Variants in USH2A observed in about 807,000 individuals in gnomAD.
USH2A encodes the protein usherin.
In USH2A, 443 loss-of-function variants were observed where a neutral mutation model predicts 538.9. That is an observed-to-expected ratio of 0.82 (90% confidence interval 0.76 to 0.89). The LOEUF (loss-of-function observed/expected upper bound fraction) is 0.89, where lower values mean the gene tolerates loss of function less well. USH2A is among the 40% of genes least tolerant of loss of function. The probability of loss-of-function intolerance (pLI) is 0.00; values close to 1 mark genes in which losing one functional copy is unlikely to be tolerated. For synonymous variants in USH2A, 2,413 were observed against 2,273.5 expected (o/e 1.06, Z -1.75); for missense variants, 6,633 against 6,324.8 (o/e 1.05, Z -1.65).
chr1:216,097,149 G>T lies in USH2A; in HGVS notation c.4692C>A (p.Gly1564=), dbSNP rs950317696. 14 of 1,614,004 alleles carry T rather than the reference G, an allele frequency of 8.7e-6. No individual in the cohort carries two copies. The African/African-American group carries it at 1.5e-4, about 17-fold the overall frequency. Residue 1564 remains glycine (G), a synonymous_variant, in exon 22 of 72, where the codon GGC becomes GGA. Coordinates refer to ENST00000307340, the MANE Select transcript of USH2A (RefSeq NM_206933.4). ...EGLIVFAASP[G]NQEEYFALQL... is the part of the protein sequence containing the mutation. The stretch of plus-strand genomic sequence containing the variant: ...GAAGTGCAAAATACTCTTCCTGATT[G>T]CCAGGTGATGCTGCAAAGACAATCA...
At chr1:216,087,550 A>C (rs1163942634) in intron 23 of USH2A, among the ~76,000 whole-genome samples, 1 of 152,056 alleles carries the variant, frequency 6.6e-6, no homozygotes, top group African/African-American at 2.4e-5. Flanking sequence ...AAGGCCAGAC[A>C]GTGTCTTTGT....
At chr1:215,760,128 A>C (rs577187568) in intron 56 of USH2A, among the ~76,000 whole-genome samples, 1 of 152,206 alleles carries the variant, frequency 6.6e-6, no homozygotes, top group Non-Finnish European at 1.5e-5. Context: ...CTGAGAGATC[A>C]TCTGGGGATT....
chr1:215,873,877 A>C (rs1036352538), intron 43 of USH2A, among the ~76,000 whole-genome samples: 1 of 152,180 alleles, frequency 6.6e-6, no homozygotes, highest in Non-Finnish European at 1.5e-5. Context: ...ATTCCTTCAT[A>C]AACTTAATGA....
chr1:215,748,136 C>A (rs1238003369), intron 58 of USH2A, among the ~76,000 whole-genome samples: 1 of 152,106 alleles, frequency 6.6e-6, no homozygotes, highest in Non-Finnish European at 1.5e-5. Flanking sequence ...CATGATCCAC[C>A]CGCCTCGGCC....
At position 215,677,251 on chromosome 1, in the gene USH2A, C is replaced by T. The variant is rs138052536; in HGVS notation, c.12295-1635G>A. 3.3e-5 allele frequency among the ~76,000 whole-genome samples: 5 copies of T among 152,212 alleles called. No homozygotes were observed. In the East Asian group the frequency reaches 9.7e-4, roughly 29 times the overall value. On this transcript the variant is annotated intron_variant, in intron 62 of 71. Coordinates refer to ENST00000307340, the MANE Select transcript of USH2A (RefSeq NM_206933.4). Reference sequence around the variant, plus strand: ...ACTGAAGGCCACCTAAGCGCTGTATCCCATCCCTTCCTCCTTCCCCAAGAC... The same window carrying T: ...ACTGAAGGCCACCTAAGCGCTGTATTCCATCCCTTCCTCCTTCCCCAAGAC...
At chr1:215,849,263 A>T (rs1403932093) in intron 44 of USH2A, among the ~76,000 whole-genome samples, 2 of 152,208 alleles carry the variant, frequency 1.3e-5, no homozygotes, top group African/African-American at 4.8e-5. Context: ...TACCAAAAAT[A>T]AAAAAGGGAC....
intron 67 of USH2A, among the ~76,000 whole-genome samples, chr1:215,644,623 AG>A (rs2102639680): frequency 6.6e-6 from 1 of 152,342 alleles, no homozygotes; most frequent in South Asian, 2.1e-4. Flanking sequence ...TTTTTAAAAA[AG>A]GATTGAACAT....
intron 50 of USH2A, among the ~76,000 whole-genome samples, chr1:215,792,574 C>T (rs560173081): frequency 1.3e-5 from 2 of 152,254 alleles, no homozygotes; most frequent in Non-Finnish European, 2.9e-5. Context: ...CTGAAGACTG[C>T]ATCCATCACT....
chr1:216,323,615 A>C lies in USH2A; in HGVS notation c.1409T>G (p.Phe470Cys), dbSNP rs1187322667. The C allele has an allele frequency of 6.2e-7, 1 of 1,613,568 alleles. No homozygotes were observed. The highest frequency in any genetic ancestry group is 1.7e-5 in the Admixed American group (1 of 59,958). ...CTCTTGAAGAGATGGGGTATTATAGAAGTTATTGTATCCAGGACGATAATT... is the reference window on the plus strand; with the variant it reads ...CTCTTGAAGAGATGGGGTATTATAGCAGTTATTGTATCCAGGACGATAATT... ...GPNYRPGYNN[F>C]YNTPSLQEFV... The change falls in exon 8 of 72, where the codon TTC (phenylalanine) becomes TGC (cysteine). Residue 470 changes from phenylalanine to cysteine, a missense_variant. Physicochemically the swap from Phe to Cys is radical, Grantham distance 205 (BLOSUM62 -2). Transcript: ENST00000307340.
intron 32 of USH2A, 140 bp from the exon 33 acceptor site, chr1:216,000,702 G>T: frequency 9.6e-7 from 1 of 1,043,096 alleles, no homozygotes; most frequent in Non-Finnish European, 1.4e-6. Flanking sequence ...AAAATCAATA[G>T]CAATAACATA....
rs566079679 is a variant in USH2A, at chr1:216,355,297, C to A, written c.784+9656G>T. 1.3e-3 allele frequency among the ~76,000 whole-genome samples: 130 copies of A among 103,468 alleles called. 1 individual carries two copies. Among genetic ancestry groups the A allele is most frequent in the African/African-American group, 5.6e-3 (123 of 21,790 alleles). 67.9% of individuals were successfully genotyped at this position (103,468 alleles called of 152,430 possible). ...CAGCCTGGGTTGACAGAGTGAAAGA[C>A]TCTGCTTCAAAAAGAAAGAAAGAAA... On this transcript the variant is annotated intron_variant, in intron 4 of 71. Coordinates refer to ENST00000307340, the MANE Select transcript of USH2A (RefSeq NM_206933.4).
At chr1:216,204,454 A>G (rs2035068164) in intron 16 of USH2A, 2 of 152,212 alleles carry the variant, frequency 1.3e-5, no homozygotes, top group Admixed American at 1.3e-4. Flanking sequence ...TGAAAGCTTT[A>G]AAGATGGTAC....
chr1:216,277,782 T>G (rs1195152618), intron 11 of USH2A, among the ~76,000 whole-genome samples: 1 of 152,118 alleles, frequency 6.6e-6, no homozygotes, highest in East Asian at 1.9e-4. Flanking sequence ...CACACCTCTT[T>G]TGGACCAAAG....
chr1:215,889,265 A>T (rs1665147753), intron 40 of USH2A, among the ~76,000 whole-genome samples: 1 of 152,228 alleles, frequency 6.6e-6, no homozygotes. Flanking sequence ...ATATTATGAA[A>T]CTAAAATGAT....
At chr1:216,355,363 GAAAGAAAGAAA>G (rs2038371618) in intron 4 of USH2A, among the ~76,000 whole-genome samples, 2 of 147,680 alleles carry the variant, frequency 1.4e-5, no homozygotes, top group African/African-American at 5.0e-5. Context: ...AAGAAAGAAA[GAAAGAAAGAAA>G]GAAGGAAAGA....
At chr1:216,236,709 T>C (rs1323286442) in intron 13 of USH2A, among the ~76,000 whole-genome samples, 2 of 152,124 alleles carry the variant, frequency 1.3e-5, no homozygotes, top group African/African-American at 4.8e-5. Context: ...GGAGTGTATA[T>C]GGATCAGACA....
Position 215,623,508 on chromosome 1 carries a change from A to G in USH2A, c.*2273T>C, listed in dbSNP as rs1655878643. The G allele has an allele frequency of 6.6e-6, 1 of 151,790 alleles. No individual in the cohort carries two copies. The highest frequency in any genetic ancestry group is 2.1e-4 in the South Asian group (1 of 4,834). 9.4% of individuals were successfully genotyped at this position (151,790 alleles called of 1,614,324 possible). On this transcript the variant is annotated 3_prime_UTR_variant, in exon 72 of 72. Coordinates refer to ENST00000307340, the MANE Select transcript of USH2A (RefSeq NM_206933.4). ...GGCGAGTCTGCATGGTTTGTATAAT[A>G]GAGGCTTGGCACGCAATACCACTTA...
chr1:216,008,887 C>T (rs1227914455), intron 32 of USH2A, among the ~76,000 whole-genome samples: 2 of 152,110 alleles, frequency 1.3e-5, no homozygotes, highest in African/African-American at 2.4e-5. Flanking sequence ...TGGGAAGGAG[C>T]CTTCCCTTGG....
chr1:216,082,393 A>C (rs868026194), intron 26 of USH2A, among the ~76,000 whole-genome samples: 19 of 152,038 alleles, frequency 1.2e-4, no homozygotes, highest in African/African-American at 4.3e-4. Flanking sequence ...AAATTTTAAT[A>C]AATACTATGA....
Sources: allele counts gnomAD v4.1 joint callset (sites outside exome capture counted in the v4.1 genomes callset), GRCh38; gene constraint gnomAD v4.1.1; transcripts MANE v1.5; gene names NCBI Gene and HGNC (gene_info 2026-07-23, HGNC 2026-07-21).